Variants in ADCY9 observed in about 807,000 individuals in gnomAD.
The protein encoded by ADCY9 is adenylate cyclase type 9.
ADCY9 carries 50 observed loss-of-function variants against 101.5 expected under a neutral mutation model. The ratio of observed to expected loss-of-function variants is 0.49; its 90% CI spans 0.39 to 0.62. The LOEUF (loss-of-function observed/expected upper bound fraction) is 0.62. ADCY9 is among the 20% of genes least tolerant of loss of function. ADCY9 has a pLI of 0.00. For synonymous variants in ADCY9, 905 were observed against 769.3 expected (o/e 1.18, Z -2.92); for missense variants, 1,662 against 1,800.4 (o/e 0.92, Z 1.39).
chr16:3,981,791 T>C (rs530961377), intron 7 of ADCY9: 1 of 150,802 alleles, frequency 6.6e-6, no homozygotes, highest in South Asian at 2.1e-4. Flanking sequence ...TTAGTAGAGA[T>C]GAGGTTTCAC....
intron 2 of ADCY9, among the ~76,000 whole-genome samples, chr16:4,090,955 A>G (rs2141188888): frequency 6.6e-6 from 1 of 152,162 alleles, no homozygotes; most frequent in Admixed American, 6.5e-5. Flanking sequence ...AAGAAACATA[A>G]TGGCCAGCCA....
chr16:3,974,246 G>A (rs973595451), intron 10 of ADCY9, among the ~76,000 whole-genome samples: 5 of 152,148 alleles, frequency 3.3e-5, no homozygotes, highest in African/African-American at 1.2e-4. Flanking sequence ...GGGTTTCACC[G>A]TGTTAGCCAG....
intron 2 of ADCY9, among the ~76,000 whole-genome samples, chr16:4,043,180 C>G (rs1438875262): frequency 6.6e-6 from 1 of 151,778 alleles, no homozygotes; most frequent in East Asian, 1.9e-4. Flanking sequence ...GCAGTGAGCC[C>G]AGATGGCGCC....
chr16:3,969,614 T>TATATATATATACACGTA (rs1567414929), intron 10 of ADCY9, among the ~76,000 whole-genome samples: 5 of 50,718 alleles, frequency 9.9e-5, no homozygotes, highest in Non-Finnish European at 1.9e-4. Context: ...ATATATGTAT[T>TATATATATATACACGTA]TTTTTTTTTT....
intron 2 of ADCY9, among the ~76,000 whole-genome samples, chr16:4,080,550 T>G (rs572993741): frequency 2.0e-5 from 3 of 152,076 alleles, no homozygotes; most frequent in Non-Finnish European, 4.4e-5. Context: ...TGACCCACCG[T>G]TCCCAGCCCA....
intron 2 of ADCY9, among the ~76,000 whole-genome samples, chr16:4,071,418 A>G (rs578153090): frequency 6.6e-6 from 1 of 151,824 alleles, no homozygotes; most frequent in African/African-American, 2.4e-5. Flanking sequence ...TAAAAAGTCA[A>G]ATCCAAAATT....
chr16:3,956,040 T>A (rs917877102), intron 5 of ADCY9, among the ~76,000 whole-genome samples: 2 of 151,874 alleles, frequency 1.3e-5, no homozygotes, highest in African/African-American at 4.8e-5. Context: ...TTTTGAAAAA[T>A]TTTTCGTAGA....
At chr16:4,090,471 C>CA (rs1332290690) in intron 2 of ADCY9, among the ~76,000 whole-genome samples, 1 of 151,976 alleles carries the variant, frequency 6.6e-6, no homozygotes, top group Non-Finnish European at 1.5e-5. Context: ...TTTCTGTGGC[C>CA]AACGCTGCTT....
chr16:4,007,613 C>T (rs912699316), intron 2 of ADCY9, 55 bp from the exon 3 acceptor site: 19 of 1,462,114 alleles, frequency 1.3e-5, no homozygotes, highest in East Asian at 2.3e-5. Context: ...TCTGTTGAAA[C>T]GCAGCTCCGT....
At chr16:4,080,637 T>C (rs1172484643) in intron 2 of ADCY9, among the ~76,000 whole-genome samples, 1 of 151,998 alleles carries the variant, frequency 6.6e-6, no homozygotes, top group African/African-American at 2.4e-5. Context: ...ATAAAATTAG[T>C]TTGACAGAAA....
intron 3 of ADCY9, among the ~76,000 whole-genome samples, chr16:4,004,036 G>A (rs962973440): frequency 2.6e-5 from 4 of 151,470 alleles, no homozygotes; most frequent in African/African-American, 9.7e-5. Context: ...GCAGGAGGAT[G>A]GTATAACCCC....
At chr16:3,988,185 C>T (rs1400011788) in intron 6 of ADCY9, among the ~76,000 whole-genome samples, 1 of 152,092 alleles carries the variant, frequency 6.6e-6, no homozygotes, top group Non-Finnish European at 1.5e-5. Context: ...GAAGTACAAT[C>T]CAGTCTGCAG....
chr16:4,067,033 T>C (rs184698046), intron 2 of ADCY9, among the ~76,000 whole-genome samples: 395 of 152,354 alleles, frequency 2.6e-3, no homozygotes, highest in Non-Finnish European at 3.9e-3. Flanking sequence ...AGTGCTCATC[T>C]GAGACAGATT....
intron 2 of ADCY9, among the ~76,000 whole-genome samples, chr16:4,060,624 A>T (rs1191756996): frequency 6.6e-6 from 1 of 152,126 alleles, no homozygotes; most frequent in Non-Finnish European, 1.5e-5. Context: ...AACACATTTT[A>T]AAAATAAGAA....
chr16:3,977,442 C>G, intron 9 of ADCY9, 40 bp downstream of exon 9: 1 of 1,536,376 alleles, frequency 6.5e-7, no homozygotes, highest in South Asian at 1.2e-5. Flanking sequence ...GGCAAGGTGG[C>G]CACGCACCCT....
At chr16:4,040,673 T>C (rs1423596876) in intron 2 of ADCY9, among the ~76,000 whole-genome samples, 1 of 152,132 alleles carries the variant, frequency 6.6e-6, no homozygotes, top group African/African-American at 2.4e-5. Context: ...GCCAGACTGG[T>C]CTCGAACTCC....
intron 2 of ADCY9, among the ~76,000 whole-genome samples, chr16:4,078,425 T>A (rs1004106834): frequency 6.6e-6 from 1 of 151,952 alleles, no homozygotes; most frequent in Admixed American, 6.6e-5. Context: ...TAGCCAGGTG[T>A]GGTGGTGTAC....
chr16:4,066,283 C>T (rs1032216515), intron 2 of ADCY9, among the ~76,000 whole-genome samples: 1 of 152,148 alleles, frequency 6.6e-6, no homozygotes, highest in African/African-American at 2.4e-5. Flanking sequence ...CTCTAAAAAA[C>T]ACTTATTTTT....
At chr16:4,029,845 G>A (rs998500436) in intron 2 of ADCY9, among the ~76,000 whole-genome samples, 5 of 152,166 alleles carry the variant, frequency 3.3e-5, no homozygotes, top group African/African-American at 9.7e-5. Context: ...GCACTTCACT[G>A]AAGAGCCAAC....
Sources: allele counts gnomAD v4.1 joint callset (sites outside exome capture counted in the v4.1 genomes callset), GRCh38; gene constraint gnomAD v4.1.1; transcripts MANE v1.5; gene names NCBI Gene and HGNC (gene_info 2026-07-23, HGNC 2026-07-21).